Variants in ABCB11 observed in about 807,000 individuals in gnomAD.
ABCB11 encodes the protein ATP binding cassette subfamily B member 11.
A neutral mutation model predicts 148.0 loss-of-function variants in ABCB11; 95 were observed. The observed-to-expected ratio is 0.64, with a 90% CI of 0.54 to 0.76. The LOEUF (loss-of-function observed/expected upper bound fraction) is 0.76. ABCB11 is among the 30% of genes least tolerant of loss of function. The probability of loss-of-function intolerance (pLI) is 0.00; values close to 1 mark genes in which losing one functional copy is unlikely to be tolerated. For missense variants in ABCB11, 1,523 were observed against 1,617.8 expected, an observed-to-expected ratio of 0.94 and a Z score of 1.01; for synonymous variants, 591 against 555.4, an observed-to-expected ratio of 1.06 and a Z score of -0.90.
chr2:168,936,149 T>C, intron 22 of ABCB11, 81 bp downstream of exon 22: 1 of 1,362,980 alleles, frequency 7.3e-7, no homozygotes, highest in Non-Finnish European at 1.0e-6. Context: ...TCCTTCAGTC[T>C]CTTCGTACTA....
At chr2:168,956,453 C>T (rs1199463166) in intron 19 of ABCB11, among the ~76,000 whole-genome samples, 1 of 151,614 alleles carries the variant, frequency 6.6e-6, no homozygotes, top group Admixed American at 6.6e-5. Flanking sequence ...TTGCTTGTTC[C>T]AATTTTTGAA....
chr2:169,030,405 T>G (rs1695832434), intron 1 of ABCB11, among the ~76,000 whole-genome samples: 1 of 152,144 alleles, frequency 6.6e-6, no homozygotes, highest in Admixed American at 6.6e-5. Flanking sequence ...AGAAAAGAAC[T>G]TCTATTAAAC....
intron 21 of ABCB11, among the ~76,000 whole-genome samples, chr2:168,941,919 C>T (rs2105907633): frequency 6.6e-6 from 1 of 152,054 alleles, no homozygotes. Context: ...CTTTTATATG[C>T]ACTAGGAAGT....
chr2:168,964,731 T>C (rs964839925), intron 17 of ABCB11, among the ~76,000 whole-genome samples: 1 of 151,878 alleles, frequency 6.6e-6, no homozygotes, highest in Admixed American at 6.6e-5. Context: ...TCATACCTGA[T>C]GTGTTCACTT....
chr2:169,026,466 C>A (rs189221480), intron 1 of ABCB11, among the ~76,000 whole-genome samples: 2 of 152,258 alleles, frequency 1.3e-5, no homozygotes, highest in Admixed American at 1.3e-4. Flanking sequence ...TGCTGAAAAT[C>A]TTAATTACTT....
At chr2:168,953,743 C>A (rs565005059) in intron 19 of ABCB11, among the ~76,000 whole-genome samples, 1 of 151,512 alleles carries the variant, frequency 6.6e-6, no homozygotes, top group Admixed American at 6.6e-5. Context: ...AAAGTCAAAT[C>A]GGGAACTGCT....
In ABCB11 at chr2:168,976,604, G is replaced by A. The variant is rs11568360; in HGVS notation, c.1281C>T (p.Phe427=). 2.1e-4 allele frequency: 344 copies of A among 1,605,956 alleles called. No homozygotes were observed. In the African/African-American group the frequency reaches 3.2e-3, roughly 15 times the overall value. The part of the protein sequence containing the change: ...KGEIEFHNVT[F]HYPSRPEVKI... ...TCACCTCTGGTCTGGAAGGATAATG[G>A]AAGGTCACATTATGGAATTCAATTT... The change falls in exon 12 of 28, where the codon TTC becomes TTT. Residue 427 remains phenylalanine, a synonymous_variant. Coordinates refer to ENST00000650372, the MANE Select transcript of ABCB11 (RefSeq NM_003742.4).
intron 15 of ABCB11, 86 bp downstream of exon 15, chr2:168,969,951 TCCCATCCC>T: frequency 3.5e-5 from 25 of 705,448 alleles, no homozygotes; most frequent in East Asian, 7.5e-5. Context: ...TATCAACTAC[TCCCATCCC>T]TCCCACCCCA....
At position 168,976,694 on chromosome 2, in the gene ABCB11, T is replaced by C; in HGVS notation, c.1198-7A>G. Reference sequence around the variant, plus strand: ...TGCAGTCAATGATGGGTTTCTGGAGTGAAATACAAAAGGGACACAGTGTAA... The same window carrying C: ...TGCAGTCAATGATGGGTTTCTGGAGCGAAATACAAAAGGGACACAGTGTAA... On this transcript the variant is annotated splice_region_variant and splice_polypyrimidine_tract_variant and intron_variant, in intron 11 of 27. Transcript: ENST00000650372. The C allele has an allele frequency of 6.3e-7, 1 of 1,579,704 alleles. No homozygotes were observed. The highest frequency in any genetic ancestry group is 8.7e-7 in the Non-Finnish European group (1 of 1,149,630).
At chr2:168,999,535 T>G (rs1020034553) in intron 5 of ABCB11, among the ~76,000 whole-genome samples, 2 of 152,138 alleles carry the variant, frequency 1.3e-5, no homozygotes, top group Admixed American at 1.3e-4. Flanking sequence ...CTGTTTTCTT[T>G]TGCTGTAATT....
intron 10 of ABCB11, among the ~76,000 whole-genome samples, chr2:168,982,039 A>C (rs966054596): frequency 5.9e-5 from 9 of 152,174 alleles, no homozygotes; most frequent in Non-Finnish European, 1.0e-4. Context: ...AAATCATCAC[A>C]GTAGCTAGCA....
intron 13 of ABCB11, among the ~76,000 whole-genome samples, chr2:168,973,172 GAGGC>G (rs67394665): frequency 0.57 from 86,795 of 151,598 alleles, 25,107 homozygotes; most frequent in East Asian, 0.75. Context: ...GTTCACTGAA[GAGGC>G]AGCAATAGCA....
At chr2:168,991,582 A>T (rs916604932) in intron 8 of ABCB11, among the ~76,000 whole-genome samples, 1 of 152,086 alleles carries the variant, frequency 6.6e-6, no homozygotes, top group African/African-American at 2.4e-5. Flanking sequence ...AAGAAGAGGA[A>T]AAAACACATA....
At chr2:169,013,950 T>C (rs967463245) in intron 4 of ABCB11, among the ~76,000 whole-genome samples, 57 of 152,312 alleles carry the variant, frequency 3.7e-4, no homozygotes, top group African/African-American at 1.3e-3. Context: ...GCCTCCATCC[T>C]GAGAAAATTT....
chr2:169,003,349 CATATAT>C (rs772569568), intron 5 of ABCB11, among the ~76,000 whole-genome samples: 33 of 119,670 alleles, frequency 2.8e-4, no homozygotes, highest in African/African-American at 1.0e-3. Context: ...TGTGTGTGTG[CATATAT>C]ATATATATGC....
intron 18 of ABCB11, among the ~76,000 whole-genome samples, chr2:168,960,446 C>T (rs1036015659): frequency 6.6e-6 from 1 of 151,618 alleles, no homozygotes; most frequent in African/African-American, 2.4e-5. Context: ...CAGGATGGTC[C>T]ACCCACAGCC....
rs972595068 is a variant in ABCB11 at position 169,025,523 on chromosome 2, C to A, written c.-28+5702G>T. On this transcript the variant is annotated intron_variant, in intron 1 of 27. Coordinates refer to ENST00000650372, the MANE Select transcript of ABCB11 (RefSeq NM_003742.4). ...TACCTGATCCTCCACCCCATCTGCCCTTCCAGGGTCATTTGTAGTAATCTG... is the reference window on the plus strand; with the variant it reads ...TACCTGATCCTCCACCCCATCTGCCATTCCAGGGTCATTTGTAGTAATCTG... Among the ~76,000 whole-genome samples the A allele has an allele frequency of 2.0e-5, 3 of 152,296 alleles. No individual in the cohort carries two copies. The East Asian group carries it at 5.8e-4, about 29-fold the overall frequency.
rs1693917661 is a variant in ABCB11, at chr2:168,976,597, G to A, written c.1288C>T (p.Pro430Ser). 1 of 1,602,390 alleles carries A rather than the reference G, an allele frequency of 6.2e-7. No homozygotes were observed. The highest frequency in any genetic ancestry group is 1.7e-5 in the Admixed American group (1 of 59,606). ...CTCACCTTCACCTCTGGTCTGGAAG[G>A]ATAATGGAAGGTCACATTATGGAAT... ...IEFHNVTFHY[P>S]SRPEVKILND... Residue 430 changes from proline (P) to serine (S), a missense_variant, in exon 12 of 28, where the codon CCT becomes TCT. Physicochemically the swap from Pro to Ser is moderately conservative, Grantham distance 74 (BLOSUM62 -1). Transcript: ENST00000650372.
Position 168,927,164 on chromosome 2 carries a change from G to A in ABCB11, c.3610C>T (p.Leu1204Phe). 6.2e-7 allele frequency: 1 copy of A among 1,613,584 alleles called. No homozygotes were observed. Among genetic ancestry groups the A allele is most frequent in the South Asian group, 1.1e-5 (1 of 91,066 alleles). Residue 1204 changes from leucine (L) to phenylalanine (F), a missense_variant, in exon 26 of 28, where the codon CTC becomes TTC. Coordinates refer to ENST00000650372, the MANE Select transcript of ABCB11 (RefSeq NM_003742.4). ...QAQLHDFVMS[L>F]PEKYETNVGS... ...TCTGACTTCGTACTCACCTCTGGGA[G>A]TGACATGACAAAATCATGCAGCTGA...
Sources: gnomAD v4.1 joint callset for allele counts (sites outside exome capture counted in the v4.1 genomes callset) on GRCh38, gnomAD v4.1.1 for gene constraint, MANE v1.5 for transcripts, NCBI Gene and HGNC (gene_info 2026-07-23, HGNC 2026-07-21) for gene names.